MYRF: variants seen among roughly 807,000 people sequenced by gnomAD.
MYRF encodes the protein myelin regulatory factor, also known as myelin gene regulatory factor.
In MYRF, 16 loss-of-function variants were observed where a neutral mutation model predicts 126.3. The ratio of observed to expected loss-of-function variants is 0.13; its 90% CI spans 0.09 to 0.19. The LOEUF (loss-of-function observed/expected upper bound fraction) is 0.19. Ranked by LOEUF, MYRF falls within the 10% of genes least tolerant of loss-of-function variation. The probability of loss-of-function intolerance (pLI) is 1.00; values close to 1 mark genes in which losing one functional copy is unlikely to be tolerated. For synonymous variants in MYRF, 608 were observed against 635.3 expected (o/e 0.96, Z 0.65); for missense variants, 1,104 against 1,547.0 (o/e 0.71, Z 4.80).
rs779363426 is a variant in MYRF, at chr11:61,757,071, A to G, written c.46+4281A>G. On this transcript the variant is annotated intron_variant, in intron 1 of 26. Coordinates refer to ENST00000278836, the MANE Select transcript of MYRF (RefSeq NM_001127392.3). The surrounding 1 kb of genome is among the most constrained non-coding windows in gnomAD (Gnocchi z 4.7). The stretch of plus-strand genomic sequence containing the variant: ...CTGGGTGGCCCCGCCCTACCCAGGC[A>G]GCCTGCCTTACCTTCCCACCTTCCT... 1 of 430,250 alleles carries G rather than the reference A, an allele frequency of 2.3e-6. No homozygotes were observed. The highest frequency in any genetic ancestry group is 1.6e-5 in the South Asian group (1 of 63,110). 26.7% of individuals were successfully genotyped at this position (430,250 alleles called of 1,614,324 possible). A position where few individuals can be genotyped will look rare whatever the true frequency, so the allele number is the denominator to read the frequency against.
At chr11:61,752,881 C>G in intron 1 of MYRF, 91 bp downstream of exon 1, 1 of 1,266,790 alleles carries the variant, frequency 7.9e-7, no homozygotes, top group African/African-American at 1.6e-5. Flanking sequence ...GCTGTGTTTC[C>G]GCCTCCTCTG....
chr11:61,772,902 C>T (rs1411457427), intron 7 of MYRF, among the ~76,000 whole-genome samples: 1 of 152,236 alleles, frequency 6.6e-6, no homozygotes, highest in African/African-American at 2.4e-5. Context: ...GAAGCATTCT[C>T]CCTGCCCAGC....
chr11:61,779,367 G>A lies in MYRF; in HGVS notation c.2118G>A (p.Leu706=), dbSNP rs369977111. The part of the protein sequence containing the change: ...IDELERWSHK[L]AKLRRLDSLK... ...AGCTGGAGCGCTGGAGCCACAAGCT[G>A]GCCAAGCTGCGGCGGCTCGACAGCC... Residue 706 remains leucine, a synonymous_variant, in exon 15 of 27, where the codon CTG becomes CTA. Coordinates refer to ENST00000278836, the MANE Select transcript of MYRF (RefSeq NM_001127392.3). 8 of 1,551,240 alleles carry A rather than the reference G, an allele frequency of 5.2e-6. No individual in the cohort carries two copies. Among genetic ancestry groups the A allele is most frequent in the East Asian group, 4.9e-5 (2 of 40,942 alleles).
chr11:61,779,066 C>T (rs115570485), intron 14 of MYRF, 197 bp from the exon 15 acceptor site: 4 of 653,214 alleles, frequency 6.1e-6, no homozygotes, highest in Admixed American at 2.3e-5. Context: ...AGGTGTTGCT[C>T]GGAGACAGGC....
intron 1 of MYRF, 101 bp from the exon 2 acceptor site, chr11:61,765,524 T>G: frequency 1.1e-6 from 1 of 936,560 alleles, no homozygotes; most frequent in Non-Finnish European, 1.6e-6. Context: ...GGGCATCTGT[T>G]TTGGAGGGCC....
intron 1 of MYRF, among the ~76,000 whole-genome samples, chr11:61,753,746 C>T (rs1433772559): frequency 6.6e-6 from 1 of 152,126 alleles, no homozygotes; most frequent in Non-Finnish European, 1.5e-5. Flanking sequence ...TGGAGGTCTG[C>T]TCCTCCATCT....
At position 61,778,764 on chromosome 11, in the gene MYRF, G is replaced by A. The variant is rs560744928; in HGVS notation, c.2013+275G>A. On this transcript the variant is annotated intron_variant, in intron 14 of 26. Coordinates refer to ENST00000278836, the MANE Select transcript of MYRF (RefSeq NM_001127392.3). The surrounding 1 kb of genome is among the most constrained non-coding windows in gnomAD (Gnocchi z 4.6). ...GGCCTTCCACCCCCGGTAAAATGAG[G>A]GCGGTAATAGAACTGCACAGACATC... 1.5e-5 allele frequency: 9 copies of A among 608,792 alleles called. No individual in the cohort carries two copies. Among genetic ancestry groups the A allele is most frequent in the Non-Finnish European group, 2.2e-5 (7 of 325,196 alleles). The allele number at this position is 608,792 out of a possible 1,614,324, so 37.7% of individuals were successfully genotyped here.
chr11:61,769,531 T>G lies in MYRF; in HGVS notation c.460+210T>G, dbSNP rs1308558679. 2.0e-5 allele frequency among the ~76,000 whole-genome samples: 3 copies of G among 152,156 alleles called. No individual in the cohort carries two copies. The East Asian group carries it at 5.8e-4, about 30-fold the overall frequency. On this transcript the variant is annotated intron_variant, in intron 4 of 26. Transcript: ENST00000278836. ...TGCCTCTGAGCAAGTATCCCCGCGG[T>G]GATGCCACCCGCCTGCCCGCCTGCG...
chr11:61,786,164 C>A lies in MYRF; in HGVS notation c.*21C>A. Reference sequence around the variant, plus strand: ...ACTGAGCTGCCCTCCTGAGGCAGCACCACACCAGGGACCAGGGGTGCCCAG... The same window carrying A: ...ACTGAGCTGCCCTCCTGAGGCAGCAACACACCAGGGACCAGGGGTGCCCAG... On this transcript the variant is annotated 3_prime_UTR_variant, in exon 27 of 27. Coordinates refer to ENST00000278836, the MANE Select transcript of MYRF (RefSeq NM_001127392.3). This position sits in a 1 kb window ranked among gnomAD's most constrained non-coding sequence, Gnocchi z 4.5. 1 of 1,612,436 alleles carries A rather than the reference C, an allele frequency of 6.2e-7. No individual in the cohort carries two copies. The highest frequency in any genetic ancestry group is 8.5e-7 in the Non-Finnish European group (1 of 1,178,470).
At chr11:61,770,135 G>A (rs933051275) in intron 4 of MYRF, 111 bp from the exon 5 acceptor site, 19 of 1,114,136 alleles carry the variant, frequency 1.7e-5, no homozygotes, top group Admixed American at 6.2e-5. Flanking sequence ...GGCAGCCCCC[G>A]GGCTTGGCTC....
rs1319273299 is a variant in MYRF, at chr11:61,783,574, G to C, written c.3093G>C (p.Gln1031His). 1 of 1,613,776 alleles carries C rather than the reference G, an allele frequency of 6.2e-7. No individual in the cohort carries two copies. The highest frequency in any genetic ancestry group is 1.7e-5 in the Admixed American group (1 of 60,020). The change falls in exon 23 of 27, where the codon CAG (glutamine) becomes CAC (histidine). Residue 1031 changes from glutamine (Q) to histidine (H), a missense_variant. Coordinates refer to ENST00000278836, the MANE Select transcript of MYRF (RefSeq NM_001127392.3). This position sits in a 1 kb window ranked among gnomAD's most constrained non-coding sequence, Gnocchi z 4.6. ...AGAATTCGATGTCCATCACCTCCCAGTACTGTGCTCCAGGGGATGCCTGCA... is the reference window on the plus strand; with the variant it reads ...AGAATTCGATGTCCATCACCTCCCACTACTGTGCTCCAGGGGATGCCTGCA... ...VLENSMSITS[Q>H]YCAPGDACRP...
Position 61,783,025 on chromosome 11 carries a change from C to G in MYRF, c.3017-473C>G, listed in dbSNP as rs2066594030. The G allele has an allele frequency of 6.5e-6, 1 of 154,736 alleles. No individual in the cohort carries two copies. The allele number at this position is 154,736 out of a possible 1,614,324, so 9.6% of individuals were successfully genotyped here. A position where few individuals can be genotyped will look rare whatever the true frequency, so the allele number is the denominator to read the frequency against. On this transcript the variant is annotated intron_variant, in intron 22 of 26. Transcript: ENST00000278836. This position sits in a 1 kb window ranked among gnomAD's most constrained non-coding sequence, Gnocchi z 4.6. Reference sequence around the variant, plus strand: ...GTCCCACCCCTACCCAGCCAGCCAGCCTGCAGTCGGTTTGTTCAGGGAGGC... The same window carrying G: ...GTCCCACCCCTACCCAGCCAGCCAGGCTGCAGTCGGTTTGTTCAGGGAGGC...
rs1476590135 is a variant in MYRF at position 61,752,869 on chromosome 11, T to G, written c.46+79T>G. 5 of 1,324,038 alleles carry G rather than the reference T, an allele frequency of 3.8e-6. No homozygotes were observed. The East Asian group carries it at 1.5e-4, about 41-fold the overall frequency. 82.0% of individuals were successfully genotyped at this position (1,324,038 alleles called of 1,614,324 possible). A position where few individuals can be genotyped will look rare whatever the true frequency, so the allele number is the denominator to read the frequency against. ...TGATCTCCCCGGGAACTGGGGCTCC[T>G]CGCTGTGTTTCCGCCTCCTCTGGCT... On this transcript the variant is annotated intron_variant, in intron 1 of 26. Transcript: ENST00000278836.
At position 61,787,551 on chromosome 11, in the gene MYRF, G is replaced by A. The variant is rs999727019; in HGVS notation, c.*1408G>A. 1 of 152,766 alleles carries A rather than the reference G, an allele frequency of 6.5e-6. No individual in the cohort carries two copies. The allele number at this position is 152,766 out of a possible 1,614,324, so 9.5% of individuals were successfully genotyped here. Reference sequence around the variant, plus strand: ...TTGAATGGGAGGCCTTTCTATAGTGGAGGCCTTTCCTTGAAGCCTATGAAC... The same window carrying A: ...TTGAATGGGAGGCCTTTCTATAGTGAAGGCCTTTCCTTGAAGCCTATGAAC... On this transcript the variant is annotated 3_prime_UTR_variant, in exon 27 of 27. Transcript: ENST00000278836.
In MYRF at chr11:61,785,813, G is replaced by A. The variant is rs532882959; in HGVS notation, c.3314G>A (p.Arg1105Gln). ...CCTTCTCTCCAGGGCACCTCTCACC[G>A]GTGGCCAATAACCATCCTGTCCTTC... ...THQDTQGTSH[R>Q]WPITILSFRE... The change falls in exon 26 of 27, where the codon CGG (arginine) becomes CAG (glutamine). Residue 1105 changes from arginine (R) to glutamine (Q), a missense_variant. By Grantham distance (43) the Arg-to-Gln change is conservative. Coordinates refer to ENST00000278836, the MANE Select transcript of MYRF (RefSeq NM_001127392.3). 30 of 1,614,084 alleles carry A rather than the reference G, an allele frequency of 1.9e-5. No individual in the cohort carries two copies. Among genetic ancestry groups the A allele is most frequent in the South Asian group, 1.4e-4 (13 of 91,078 alleles).
intron 1 of MYRF, among the ~76,000 whole-genome samples, chr11:61,760,422 A>C (rs1335444714): frequency 6.6e-6 from 1 of 152,200 alleles, no homozygotes; most frequent in Non-Finnish European, 1.5e-5. Flanking sequence ...GCAGGGAGGC[A>C]GTCGCAGAAG....
At chr11:61,770,552 G>C in intron 5 of MYRF, 27 bp downstream of exon 5, 1 of 1,529,800 alleles carries the variant, frequency 6.5e-7, no homozygotes, top group South Asian at 1.3e-5. Context: ...TGGCTCCATG[G>C]GGTGGGAAGG....
Position 61,752,676 on chromosome 11 carries a change from G to A in MYRF, c.-69G>A. On this transcript the variant is annotated 5_prime_UTR_variant, in exon 1 of 27. Coordinates refer to ENST00000278836, the MANE Select transcript of MYRF (RefSeq NM_001127392.3). ...CCGGGACTGTCGCGCGGGCCGCGCC[G>A]GCGATGCCGCGCCCCCGGGCCGGGC... 8.4e-7 allele frequency: 1 copy of A among 1,193,384 alleles called. No individual in the cohort carries two copies. The highest frequency in any genetic ancestry group is 1.1e-6 in the Non-Finnish European group (1 of 951,382). 73.9% of individuals were successfully genotyped at this position (1,193,384 alleles called of 1,614,324 possible).
rs749934524 is a variant in MYRF, at chr11:61,778,542, G to A, written c.2013+53G>A. The stretch of plus-strand genomic sequence containing the variant: ...CCCAGAGGCAAGTGGGGAGCCAGCT[G>A]GGGAACACTCATCACCTCCATAGAT... On this transcript the variant is annotated intron_variant, in intron 14 of 26. Transcript: ENST00000278836. The surrounding 1 kb of genome is among the most constrained non-coding windows in gnomAD (Gnocchi z 4.6). 9 of 1,292,592 alleles carry A rather than the reference G, an allele frequency of 7.0e-6. No homozygotes were observed. The highest frequency in any genetic ancestry group is 1.0e-5 in the Non-Finnish European group (9 of 887,866). The allele number at this position is 1,292,592 out of a possible 1,614,324, so 80.1% of individuals were successfully genotyped here.
Sources: gnomAD v4.1 joint callset for allele counts (sites outside exome capture counted in the v4.1 genomes callset) on GRCh38, gnomAD v4.1.1 for gene constraint, Gnocchi (gnomAD v3.1) non-coding constraint, MANE v1.5 for transcripts, NCBI Gene and HGNC (gene_info 2026-07-23, HGNC 2026-07-21) for gene names.